Variants in SV2C observed in about 807,000 individuals in gnomAD.
SV2C encodes the protein synaptic vesicle glycoprotein 2C.
Under a neutral mutation model 79.7 loss-of-function variants are expected in SV2C, and 49 were observed. That is an observed-to-expected ratio of 0.61 (90% CI 0.49 to 0.78). The LOEUF (loss-of-function observed/expected upper bound fraction) is 0.78. Ranked by LOEUF, SV2C falls within the 30% of genes least tolerant of loss-of-function variation. SV2C has a pLI of 0.00. For missense variants in SV2C, 833 were observed against 912.9 expected (o/e 0.91, Z 1.13); for synonymous variants, 334 against 333.2 (o/e 1.00, Z -0.03).
chr5:75,897,427 A>G, the SV2C span, among the ~76,000 whole-genome samples: 2 of 151,464 alleles, frequency 1.3e-5, no homozygotes, highest in Admixed American at 6.6e-5. Context: ...ATTGATCTAT[A>G]TCTCTGTTTT....
the SV2C span, among the ~76,000 whole-genome samples, chr5:76,031,625 G>A: frequency 1.3e-5 from 2 of 152,002 alleles, no homozygotes; most frequent in Non-Finnish European, 2.9e-5. Flanking sequence ...ATTACATTAA[G>A]GATTATCTTG....
In SV2C at chr5:76,232,920, G is replaced by A. The variant is rs1259829721; in HGVS notation, c.913+23033G>A. 3.7e-4 allele frequency among the ~76,000 whole-genome samples: 53 copies of A among 142,678 alleles called. 2 individuals are homozygous for A. The highest frequency in any genetic ancestry group is 2.7e-4 in the Admixed American group (4 of 14,990). The allele number at this position is 142,678 out of a possible 152,430, so 93.6% of individuals were successfully genotyped here. On this transcript the variant is annotated intron_variant, in intron 4 of 12. Coordinates refer to ENST00000502798, the MANE Select transcript of SV2C (RefSeq NM_014979.4). ...TGGATTAGGATTGACTTGGCGATGC[G>A]GGCTCTTTTTTGGTTCCATATGAAC...
chr5:76,046,111 A>T, the SV2C span, among the ~76,000 whole-genome samples: 3 of 152,176 alleles, frequency 2.0e-5, no homozygotes, highest in Admixed American at 2.0e-4. Flanking sequence ...TGACACAAAA[A>T]ATTAGACCAG....
the SV2C span, among the ~76,000 whole-genome samples, chr5:75,928,535 C>T: frequency 6.6e-6 from 1 of 152,152 alleles, no homozygotes; most frequent in Non-Finnish European, 1.5e-5. Flanking sequence ...CAATTGTAAT[C>T]AGAATTTTGG....
chr5:76,056,320 C>A, the SV2C span, among the ~76,000 whole-genome samples: 39 of 152,278 alleles, frequency 2.6e-4, no homozygotes, highest in Non-Finnish European at 1.6e-4. Context: ...GTTGAACCAA[C>A]CTTGCATCTC....
chr5:75,881,857 G>T, the SV2C span, among the ~76,000 whole-genome samples: 2 of 147,316 alleles, frequency 1.4e-5, no homozygotes, highest in South Asian at 2.1e-4. Context: ...GGTGAGAGAG[G>T]GCATCCCTGT....
intron 6 of SV2C, 49 bp from the exon 7 acceptor site, chr5:76,291,172 G>GCAACTT (rs1373662366): frequency 4.2e-6 from 6 of 1,426,688 alleles, no homozygotes; most frequent in African/African-American, 1.4e-5. Flanking sequence ...CCTACACTCA[G>GCAACTT]CAACTTCAGA....
intron 1 of SV2C, among the ~76,000 whole-genome samples, chr5:76,088,333 T>C (rs1407026737): frequency 1.1e-4 from 16 of 152,218 alleles, no homozygotes; most frequent in Admixed American, 1.0e-3. Context: ...CATGGGACAT[T>C]GTCCTAGTCC....
chr5:75,995,961 A>C, the SV2C span, among the ~76,000 whole-genome samples: 4 of 152,184 alleles, frequency 2.6e-5, no homozygotes, highest in African/African-American at 9.6e-5. Flanking sequence ...TGTGGTAGAA[A>C]AGTGAAAACA....
chr5:76,176,630 C>T (rs1433338804), intron 2 of SV2C, among the ~76,000 whole-genome samples: 1 of 152,128 alleles, frequency 6.6e-6, no homozygotes, highest in African/African-American at 2.4e-5. Flanking sequence ...AAGCCAAAAA[C>T]ATCTTTCCTG....
chr5:76,171,518 G>C (rs1743249188), intron 2 of SV2C, among the ~76,000 whole-genome samples: 1 of 135,398 alleles, frequency 7.4e-6, no homozygotes, highest in South Asian at 2.5e-4. Context: ...CACCCCGTCT[G>C]AGAAGTGAGG....
At chr5:76,039,671 G>A in the SV2C span, among the ~76,000 whole-genome samples, 102 of 150,590 alleles carry the variant, frequency 6.8e-4, no homozygotes, top group South Asian at 1.0e-3. Context: ...CAGGAGAATC[G>A]CTTGAACCCA....
chr5:76,119,941 C>A (rs1050055452), intron 1 of SV2C, among the ~76,000 whole-genome samples: 1 of 152,032 alleles, frequency 6.6e-6, no homozygotes, highest in African/African-American at 2.4e-5. Flanking sequence ...TGAGAACCTT[C>A]CTTAAACACA....
chr5:76,049,023 G>GAAAGAAAGAAAGAAAGAAAGAA, the SV2C span, among the ~76,000 whole-genome samples: 50 of 82,634 alleles, frequency 6.1e-4, 1 homozygote, highest in African/African-American at 2.0e-3. Flanking sequence ...AAGAAAGAAA[G>GAAAGAAAGAAAGAAAGAAAGAA]AAAAAGAAAA....
chr5:76,315,486 G>A (rs1323700463), intron 12 of SV2C, among the ~76,000 whole-genome samples: 3 of 152,074 alleles, frequency 2.0e-5, no homozygotes, highest in Admixed American at 6.5e-5. Flanking sequence ...TATCTGTACC[G>A]GTCCTGAGAA....
intron 6 of SV2C, 108 bp from the exon 7 acceptor site, chr5:76,291,113 C>G: frequency 1.5e-6 from 1 of 648,888 alleles, no homozygotes; most frequent in South Asian, 2.1e-5. Flanking sequence ...CAAATACCGC[C>G]TACTTCTTGC....
At chr5:76,164,616 A>C (rs1742993002) in intron 2 of SV2C, among the ~76,000 whole-genome samples, 1 of 152,168 alleles carries the variant, frequency 6.6e-6, no homozygotes, top group South Asian at 2.1e-4. Flanking sequence ...TTTTCAACTT[A>C]ACACTGAATT....
upstream of SV2C, among the ~76,000 whole-genome samples, chr5:76,080,770 G>A (rs1027113228): frequency 6.6e-6 from 1 of 152,150 alleles, no homozygotes; most frequent in African/African-American, 2.4e-5. Flanking sequence ...GGATTCTGTG[G>A]GGATGGAGGG....
the SV2C span, among the ~76,000 whole-genome samples, chr5:76,056,922 T>C: frequency 3.3e-5 from 5 of 151,910 alleles, no homozygotes; most frequent in Non-Finnish European, 5.9e-5. Context: ...GGCAGTCTAT[T>C]TATTTTGTTA....
Sources: allele counts gnomAD v4.1 joint callset (sites outside exome capture counted in the v4.1 genomes callset), GRCh38; gene constraint gnomAD v4.1.1; transcripts MANE v1.5; gene names NCBI Gene and HGNC (gene_info 2026-07-23, HGNC 2026-07-21).